Variants in GPR141 observed in about 807,000 individuals in gnomAD.
GPR141 encodes the protein probable G protein-coupled receptor 141.
In GPR141, 6 loss-of-function variants were observed where a neutral mutation model predicts 6.8. The observed-to-expected ratio is 0.88, with a 90% CI of 0.48 to 1.74. The LOEUF is 1.74. Ranked by LOEUF, GPR141 falls within the 40% of genes most tolerant of loss-of-function variation. The pLI is 0.01. For missense variants in GPR141, 372 were observed against 372.9 expected (o/e 1.00, Z 0.02); for synonymous variants, 140 against 142.3 (o/e 0.98, Z 0.11).
intron 2 of GPR141, among the ~76,000 whole-genome samples, chr7:37,736,493 A>AG (rs1009023576): frequency 8.9e-6 from 1 of 112,660 alleles, no homozygotes; most frequent in African/African-American, 3.3e-5. Context: ...GTATAAACAG[A>AG]GGAAAAAAAA....
intron 2 of GPR141, among the ~76,000 whole-genome samples, chr7:37,702,761 AAAAT>A (rs1810340403): frequency 1.4e-5 from 2 of 146,320 alleles, no homozygotes; most frequent in South Asian, 4.2e-4. Context: ...TAAATAAATA[AAAAT>A]AAAAAAATAA....
At chr7:37,718,233 G>A (rs1324767168) in intron 2 of GPR141, among the ~76,000 whole-genome samples, 1 of 152,086 alleles carries the variant, frequency 6.6e-6, no homozygotes. Flanking sequence ...CATTGTATAA[G>A]TGCTATAAAG....
intron 2 of GPR141, among the ~76,000 whole-genome samples, chr7:37,695,654 G>A (rs117404820): frequency 0.018 from 2,684 of 152,188 alleles, 29 homozygotes; most frequent in Non-Finnish European, 0.029. Flanking sequence ...CTTCTTTTAG[G>A]AACTCCGCCA....
At chr7:37,707,788 G>A (rs62463302) in intron 2 of GPR141, among the ~76,000 whole-genome samples, 11,811 of 152,162 alleles carry the variant, frequency 0.078, 596 homozygotes, top group East Asian at 0.16. Context: ...AGGACACAGA[G>A]GAAGATGGAG....
intron 2 of GPR141, among the ~76,000 whole-genome samples, chr7:37,736,187 G>C (rs1041833441): frequency 1.2e-4 from 18 of 152,126 alleles, no homozygotes; most frequent in Non-Finnish European, 1.9e-4. Context: ...GGGAGGCAGA[G>C]GTTGCAGTGA....
At chr7:37,726,863 A>T (rs1210260766) in intron 2 of GPR141, among the ~76,000 whole-genome samples, 1 of 152,222 alleles carries the variant, frequency 6.6e-6, no homozygotes, top group South Asian at 2.1e-4. Flanking sequence ...CATGGACTCT[A>T]TGTGGACTAA....
At chr7:37,708,169 A>G (rs1353135544) in intron 2 of GPR141, among the ~76,000 whole-genome samples, 3 of 152,076 alleles carry the variant, frequency 2.0e-5, no homozygotes, top group African/African-American at 2.4e-5. Context: ...ATAAGTGGCC[A>G]TACTGAAGCA....
chr7:37,720,251 A>T (rs1177640784), intron 2 of GPR141, among the ~76,000 whole-genome samples: 1 of 152,170 alleles, frequency 6.6e-6, no homozygotes, highest in East Asian at 1.9e-4. Flanking sequence ...CCAGGCACTC[A>T]TCCTGGGTTC....
intron 2 of GPR141, among the ~76,000 whole-genome samples, chr7:37,732,144 C>CT (rs1176520782): frequency 0.18 from 22,922 of 127,558 alleles, 2,343 homozygotes; most frequent in East Asian, 0.29. Flanking sequence ...TTCTCTCTCT[C>CT]TTTTTTTTTT....
chr7:37,740,049 G>A lies in GPR141; in HGVS notation c.-14-331G>A, dbSNP rs1812451972. Reference sequence around the variant, plus strand: ...TCTCACAACTTTTTAAAGGGTTACTGTAGTACTAGTATCCAAGTACTAGCT... The same window carrying A: ...TCTCACAACTTTTTAAAGGGTTACTATAGTACTAGTATCCAAGTACTAGCT... On this transcript the variant is annotated intron_variant, in intron 2 of 2. Coordinates refer to ENST00000334425, the MANE Select transcript of GPR141 (RefSeq NM_001381946.1). Among the ~76,000 whole-genome samples the A allele has an allele frequency of 2.0e-5, 3 of 152,218 alleles. No homozygotes were observed. In the South Asian group the frequency reaches 6.2e-4, roughly 32 times the overall value.
At chr7:37,697,519 A>G (rs1290780676) in intron 2 of GPR141, among the ~76,000 whole-genome samples, 1 of 152,194 alleles carries the variant, frequency 6.6e-6, no homozygotes, top group Non-Finnish European at 1.5e-5. Flanking sequence ...TCCAGCTCTA[A>G]GTGTGTCTCA....
chr7:37,725,836 CT>C (rs1290701685), intron 2 of GPR141, among the ~76,000 whole-genome samples: 1 of 149,972 alleles, frequency 6.7e-6, no homozygotes, highest in African/African-American at 2.5e-5. Flanking sequence ...ACCATGTTTG[CT>C]TTGTTTTTTT....
intron 2 of GPR141, among the ~76,000 whole-genome samples, chr7:37,722,277 G>A (rs1811366411): frequency 6.6e-6 from 1 of 152,212 alleles, no homozygotes; most frequent in African/African-American, 2.4e-5. Flanking sequence ...TTGATGAGAT[G>A]TTATACGGTC....
At chr7:37,695,271 G>T (rs1809962642) in intron 2 of GPR141, among the ~76,000 whole-genome samples, 1 of 152,182 alleles carries the variant, frequency 6.6e-6, no homozygotes, top group Admixed American at 6.5e-5. Context: ...ATAGCTCCAT[G>T]CCCCTGGAGC....
intron 2 of GPR141, among the ~76,000 whole-genome samples, chr7:37,710,638 C>T (rs1292390049): frequency 6.6e-6 from 1 of 152,054 alleles, no homozygotes; most frequent in Non-Finnish European, 1.5e-5. Flanking sequence ...TGTTGTTGTA[C>T]TCACTTTAAT....
chr7:37,721,581 T>G (rs927730047), intron 2 of GPR141, among the ~76,000 whole-genome samples: 1 of 152,228 alleles, frequency 6.6e-6, no homozygotes, highest in Non-Finnish European at 1.5e-5. Flanking sequence ...TGGTTACTTC[T>G]ACAGATGAAA....
intron 2 of GPR141, among the ~76,000 whole-genome samples, chr7:37,730,554 C>T (rs992518553): frequency 2.6e-5 from 4 of 152,216 alleles, no homozygotes; most frequent in African/African-American, 9.7e-5. Context: ...TTTGTTTTAA[C>T]CACACTTGGC....
chr7:37,694,858 AT>A (rs1406406296), intron 2 of GPR141, among the ~76,000 whole-genome samples: 1 of 152,164 alleles, frequency 6.6e-6, no homozygotes. Context: ...TGTGGATCAA[AT>A]TTCAACATTA....
At position 37,729,314 on chromosome 7, in the gene GPR141, C is replaced by T. The variant is rs139115693; in HGVS notation, c.-14-11066C>T. Reference sequence around the variant, plus strand: ...ATCACAGAGGTAAAGAGGGGATCCTCATGTGGAACAAGGAGGTCCACAGCC... The same window carrying T: ...ATCACAGAGGTAAAGAGGGGATCCTTATGTGGAACAAGGAGGTCCACAGCC... On this transcript the variant is annotated intron_variant, in intron 2 of 2. Coordinates refer to ENST00000334425, the MANE Select transcript of GPR141 (RefSeq NM_001381946.1). Among the ~76,000 whole-genome samples the T allele has an allele frequency of 2.1e-3, 327 of 152,282 alleles. 2 individuals carry two copies. Among genetic ancestry groups the T allele is most frequent in the African/African-American group, 7.4e-3 (307 of 41,546 alleles).
Sources: allele counts gnomAD v4.1 joint callset (sites outside exome capture counted in the v4.1 genomes callset), GRCh38; gene constraint gnomAD v4.1.1; transcripts MANE v1.5; gene names NCBI Gene and HGNC (gene_info 2026-07-23, HGNC 2026-07-21).